Variants in SEMA5A observed in about 807,000 individuals in gnomAD.
The protein encoded by SEMA5A is semaphorin-5A.
A neutral mutation model predicts 135.5 loss-of-function variants in SEMA5A; 55 were observed. The observed-to-expected ratio is 0.41, with a 90% CI of 0.33 to 0.51. The LOEUF (loss-of-function observed/expected upper bound fraction) is 0.51, where lower values mean the gene tolerates loss of function less well. SEMA5A is among the 20% of genes least tolerant of loss of function. The probability of loss-of-function intolerance (pLI) is 0.37; values close to 1 mark genes in which losing one functional copy is unlikely to be tolerated. For missense variants in SEMA5A, 1,290 were observed against 1,419.9 expected, an observed-to-expected ratio of 0.91 and a Z score of 1.47; for synonymous variants, 580 against 546.5, an observed-to-expected ratio of 1.06 and a Z score of -0.85.
chr5:9,495,433 G>T (rs1424350357), intron 1 of SEMA5A, among the ~76,000 whole-genome samples: 1 of 152,166 alleles, frequency 6.6e-6, no homozygotes, highest in Non-Finnish European at 1.5e-5. Flanking sequence ...ACCCAAGCAA[G>T]ACAGCTTGGT....
chr5:9,164,400 A>AT (rs1006417426), intron 11 of SEMA5A, among the ~76,000 whole-genome samples: 1 of 149,938 alleles, frequency 6.7e-6, no homozygotes, highest in Admixed American at 6.7e-5. Context: ...GATTATAAAT[A>AT]TTTTTTTGCT....
chr5:9,080,470 C>T (rs879890466), intron 16 of SEMA5A, among the ~76,000 whole-genome samples: 1 of 151,136 alleles, frequency 6.6e-6, no homozygotes, highest in African/African-American at 2.4e-5. Flanking sequence ...TGCAGCAAAC[C>T]ATCATGGCAC....
intron 2 of SEMA5A, among the ~76,000 whole-genome samples, chr5:9,388,621 C>G (rs139886404): frequency 6.6e-6 from 1 of 152,072 alleles, no homozygotes; most frequent in Non-Finnish European, 1.5e-5. Flanking sequence ...AGTTATAGGC[C>G]GCGCGTGGTG....
At chr5:9,527,174 T>A (rs892972114) in intron 1 of SEMA5A, among the ~76,000 whole-genome samples, 6 of 151,928 alleles carry the variant, frequency 3.9e-5, no homozygotes, top group Non-Finnish European at 8.8e-5. Flanking sequence ...AGGTCCCGAG[T>A]GTGCTGAGGC....
At chr5:9,510,250 A>G (rs1341922444) in intron 1 of SEMA5A, among the ~76,000 whole-genome samples, 2 of 152,220 alleles carry the variant, frequency 1.3e-5, no homozygotes, top group Admixed American at 6.5e-5. Context: ...ACAAAGGGTC[A>G]GTGAGGATTC....
Position 9,337,797 on chromosome 5 carries a change from A to G in SEMA5A, c.140T>C (p.Leu47Ser), listed in dbSNP as rs750822245. The change falls in exon 4 of 23, where the codon TTA becomes TCA. Residue 47 changes from leucine to serine, a missense_variant. Around this residue, in one of 3 missense-constraint regions of SEMA5A, gnomAD observed 116 missense variants for 121.3 expected, o/e 0.96. Transcript: ENST00000382496. Reference sequence around the variant, plus strand: ...AGCATTCTTCGCTCTGAACTCCCGTAACCAGGGGCCAATTTCTAAATAGAA... The same window carrying G: ...AGCATTCTTCGCTCTGAACTCCCGTGACCAGGGGCCAATTTCTAAATAGAA... Reference protein sequence around the residue: ...VISYKEIGPWLREFRAKNAVD... With the variant: ...VISYKEIGPWSREFRAKNAVD... 1 of 1,603,770 alleles carries G rather than the reference A, an allele frequency of 6.2e-7. No homozygotes were observed. The highest frequency in any genetic ancestry group is 8.5e-7 in the Non-Finnish European group (1 of 1,173,844).
chr5:9,161,304 A>G (rs1168809225), intron 11 of SEMA5A, among the ~76,000 whole-genome samples: 1 of 152,128 alleles, frequency 6.6e-6, no homozygotes, highest in Non-Finnish European at 1.5e-5. Flanking sequence ...ACCCTCAAGC[A>G]CTGAGGTTTA....
chr5:9,219,431 T>G (rs762804736), intron 8 of SEMA5A, among the ~76,000 whole-genome samples: 2 of 152,156 alleles, frequency 1.3e-5, no homozygotes, highest in East Asian at 3.9e-4. Flanking sequence ...CCAAAACTTA[T>G]GTTAAGGTCC....
intron 9 of SEMA5A, among the ~76,000 whole-genome samples, chr5:9,200,589 G>A (rs1188327267): frequency 6.6e-6 from 1 of 152,208 alleles, no homozygotes; most frequent in Non-Finnish European, 1.5e-5. Flanking sequence ...TTGAAGACCA[G>A]ATTTATGAAA....
At chr5:9,268,239 C>G (rs1429780496) in intron 5 of SEMA5A, among the ~76,000 whole-genome samples, 1 of 152,138 alleles carries the variant, frequency 6.6e-6, no homozygotes, top group African/African-American at 2.4e-5. Flanking sequence ...TCAGCTGATT[C>G]ACTTGGGATG....
At chr5:9,423,801 G>T (rs1360007675) in intron 2 of SEMA5A, among the ~76,000 whole-genome samples, 1 of 152,150 alleles carries the variant, frequency 6.6e-6, no homozygotes, top group Non-Finnish European at 1.5e-5. Flanking sequence ...TTTATTAACA[G>T]CAGGTCAAAG....
chr5:9,062,252 C>T (rs2036554256), intron 18 of SEMA5A, among the ~76,000 whole-genome samples: 2 of 152,142 alleles, frequency 1.3e-5, no homozygotes, highest in South Asian at 4.1e-4. Flanking sequence ...CCAGGGAGGT[C>T]CCACTGTGGC....
chr5:9,104,267 A>G (rs1398735543), intron 16 of SEMA5A, among the ~76,000 whole-genome samples: 1 of 152,220 alleles, frequency 6.6e-6, no homozygotes, highest in East Asian at 1.9e-4. Context: ...GAGAATAAAC[A>G]TAATAAATTT....
At chr5:9,100,050 C>T (rs971538314) in intron 16 of SEMA5A, among the ~76,000 whole-genome samples, 1 of 152,188 alleles carries the variant, frequency 6.6e-6, no homozygotes, top group Non-Finnish European at 1.5e-5. Flanking sequence ...AAGCCGTGTG[C>T]TAAATAAATA....
At chr5:9,075,433 A>G (rs927929124) in intron 16 of SEMA5A, among the ~76,000 whole-genome samples, 1 of 152,248 alleles carries the variant, frequency 6.6e-6, no homozygotes, top group Non-Finnish European at 1.5e-5. Context: ...TCATATGGCC[A>G]TCAGCAGATG....
chr5:9,331,365 G>A (rs9313273), intron 4 of SEMA5A, among the ~76,000 whole-genome samples: 22,954 of 152,110 alleles, frequency 0.15, 2,122 homozygotes, highest in African/African-American at 0.25. Context: ...GAAGCCTACC[G>A]TTTATTTTAT....
At chr5:9,256,908 T>C (rs1204743485) in intron 5 of SEMA5A, among the ~76,000 whole-genome samples, 9 of 152,226 alleles carry the variant, frequency 5.9e-5, no homozygotes, top group Non-Finnish European at 1.2e-4. Flanking sequence ...AAAATCAGTT[T>C]GCATTTAGTT....
chr5:9,408,925 C>T (rs923693813), intron 2 of SEMA5A, among the ~76,000 whole-genome samples: 3 of 152,102 alleles, frequency 2.0e-5, no homozygotes, highest in Admixed American at 6.5e-5. Context: ...GCCCAGCCTC[C>T]CTCTCCTCTG....
At chr5:9,225,568 C>CAAAAAAAAA (rs3034595) in intron 7 of SEMA5A, among the ~76,000 whole-genome samples, 2 of 112,316 alleles carry the variant, frequency 1.8e-5, no homozygotes, top group African/African-American at 6.8e-5. Context: ...GACTCTGTCT[C>CAAAAAAAAA]AAAAAAAAAA....
Sources: allele counts gnomAD v4.1 joint callset (sites outside exome capture counted in the v4.1 genomes callset), GRCh38; gene constraint gnomAD v4.1.1; regional missense constraint gnomAD v4.1.1; transcripts MANE v1.5; gene names NCBI Gene and HGNC (gene_info 2026-07-23, HGNC 2026-07-21).